DNM3: variants seen among roughly 807,000 people sequenced by gnomAD.
The protein encoded by DNM3 is dynamin 3.
Under a neutral mutation model 101.6 loss-of-function variants are expected in DNM3, and 47 were observed. The observed-to-expected ratio is 0.46, with a 90% CI of 0.37 to 0.59. DNM3 has a LOEUF of 0.59. DNM3 is among the 20% of genes least tolerant of loss of function. The pLI is 0.00. For missense variants in DNM3, 849 were observed against 1,085.7 expected (o/e 0.78, Z 3.06); for synonymous variants, 385 against 387.9 (o/e 0.99, Z 0.09).
intron 15 of DNM3, among the ~76,000 whole-genome samples, chr1:172,295,054 G>A (rs557452893): frequency 3.3e-5 from 5 of 152,208 alleles, no homozygotes; most frequent in South Asian, 2.1e-4. Context: ...GTCAGTCAAC[G>A]TTTGCAAGAC....
intron 14 of DNM3, among the ~76,000 whole-genome samples, chr1:172,206,008 T>TA (rs961989030): frequency 2.0e-5 from 3 of 152,172 alleles, no homozygotes; most frequent in African/African-American, 7.2e-5. Flanking sequence ...GTTCCCTGAA[T>TA]AATATGTAAA....
chr1:171,930,394 T>C (rs949371347), intron 2 of DNM3, among the ~76,000 whole-genome samples: 1 of 152,132 alleles, frequency 6.6e-6, no homozygotes, highest in Non-Finnish European at 1.5e-5. Flanking sequence ...CCTAGGGTTA[T>C]GTATGGGGGT....
intron 14 of DNM3, among the ~76,000 whole-genome samples, chr1:172,198,614 A>G (rs2060039391): frequency 6.6e-6 from 1 of 151,892 alleles, no homozygotes; most frequent in Non-Finnish European, 1.5e-5. Context: ...CTGTTCGGAG[A>G]ATCGATTTCT....
At chr1:172,228,957 A>G (rs1348703118) in intron 14 of DNM3, among the ~76,000 whole-genome samples, 1 of 152,132 alleles carries the variant, frequency 6.6e-6, no homozygotes, top group Non-Finnish European at 1.5e-5. Context: ...GCCACTTTCT[A>G]CTATGAAACA....
At chr1:172,331,347 A>G (rs932237785) in intron 17 of DNM3, among the ~76,000 whole-genome samples, 1 of 152,194 alleles carries the variant, frequency 6.6e-6, no homozygotes, top group African/African-American at 2.4e-5. Flanking sequence ...ATAACATATA[A>G]TATTAGGCTA....
chr1:172,312,776 A>C (rs982648023), intron 16 of DNM3, among the ~76,000 whole-genome samples: 13 of 152,256 alleles, frequency 8.5e-5, no homozygotes, highest in Non-Finnish European at 1.8e-4. Flanking sequence ...CTAGTGAAAG[A>C]GAAAGACACA....
chr1:172,314,837 T>A (rs997078733), intron 16 of DNM3, among the ~76,000 whole-genome samples: 1 of 152,166 alleles, frequency 6.6e-6, no homozygotes, highest in African/African-American at 2.4e-5. Context: ...AAGACAGCAG[T>A]AACCTCTGCA....
chr1:171,875,829 T>TTTTTTTTTTAG (rs1571362207), intron 1 of DNM3, among the ~76,000 whole-genome samples: 1 of 146,926 alleles, frequency 6.8e-6, no homozygotes. Flanking sequence ...TTTTTTTTTT[T>TTTTTTTTTTAG]GAGATGGAGT....
intron 16 of DNM3, chr1:172,309,230 T>C (rs2064979485): frequency 6.0e-6 from 1 of 166,606 alleles, no homozygotes; most frequent in Non-Finnish European, 1.3e-5. Context: ...TAAAATATAC[T>C]CATTTTAATA....
At chr1:172,378,438 C>A (rs1342758617) in intron 17 of DNM3, among the ~76,000 whole-genome samples, 1 of 152,064 alleles carries the variant, frequency 6.6e-6, no homozygotes, top group Non-Finnish European at 1.5e-5. Flanking sequence ...GTAGTGATGA[C>A]AGAAGCATGA....
At chr1:172,215,237 T>G (rs747526483) in intron 14 of DNM3, among the ~76,000 whole-genome samples, 1 of 152,130 alleles carries the variant, frequency 6.6e-6, no homozygotes, top group Non-Finnish European at 1.5e-5. Context: ...GAATAGCAAC[T>G]TGAATCCTCT....
At chr1:172,369,880 T>C (rs77118298) in intron 17 of DNM3, among the ~76,000 whole-genome samples, 20 of 152,058 alleles carry the variant, frequency 1.3e-4, no homozygotes, top group African/African-American at 4.6e-4. Context: ...CCAGGTGTTG[T>C]CAGGTTGGTT....
At chr1:172,031,743 G>GAGGAAA (rs1210368698) in intron 4 of DNM3, among the ~76,000 whole-genome samples, 1 of 152,094 alleles carries the variant, frequency 6.6e-6, no homozygotes, top group Non-Finnish European at 1.5e-5. Context: ...TTTGACAGAT[G>GAGGAAA]AGGAAAACTG....
At chr1:171,889,107 G>A (rs1558217786) in intron 1 of DNM3, among the ~76,000 whole-genome samples, 1 of 152,112 alleles carries the variant, frequency 6.6e-6, no homozygotes, top group Non-Finnish European at 1.5e-5. Flanking sequence ...AGCCTCCTGA[G>A]TAGCTGGGGC....
chr1:172,304,596 C>T (rs2064687415), intron 15 of DNM3, among the ~76,000 whole-genome samples: 1 of 152,206 alleles, frequency 6.6e-6, no homozygotes, highest in Non-Finnish European at 1.5e-5. Context: ...CTCATCACCA[C>T]ATCCCACTTA....
chr1:172,282,526 C>A (rs1269933787), intron 15 of DNM3, among the ~76,000 whole-genome samples: 1 of 152,092 alleles, frequency 6.6e-6, no homozygotes, highest in South Asian at 2.1e-4. Context: ...CCTTCCATCA[C>A]ATCATACTAA....
chr1:172,194,243 T>A (rs1176582832), intron 14 of DNM3, among the ~76,000 whole-genome samples: 1 of 152,166 alleles, frequency 6.6e-6, no homozygotes, highest in African/African-American at 2.4e-5. Context: ...TTATAAAGTC[T>A]GTTGTTTTAC....
chr1:172,072,035 G>A (rs989258824), intron 11 of DNM3, among the ~76,000 whole-genome samples: 1 of 152,008 alleles, frequency 6.6e-6, no homozygotes, highest in Non-Finnish European at 1.5e-5. Flanking sequence ...TACAGTCCAA[G>A]TTAATGTGTG....
chr1:171,871,936 G>T (rs1259122984), intron 1 of DNM3, among the ~76,000 whole-genome samples: 1 of 121,260 alleles, frequency 8.2e-6, no homozygotes, highest in Admixed American at 8.6e-5. Context: ...TGGGTTAAGA[G>T]GTAGTAATTT....
Sources: allele counts gnomAD v4.1 joint callset (sites outside exome capture counted in the v4.1 genomes callset), GRCh38; gene constraint gnomAD v4.1.1; transcripts MANE v1.5; gene names NCBI Gene and HGNC (gene_info 2026-07-23, HGNC 2026-07-21).